MYH14: variants seen among roughly 807,000 people sequenced by gnomAD.
MYH14 encodes myosin heavy chain 14.
Under a neutral mutation model 255.5 loss-of-function variants are expected in MYH14, and 123 were observed. That is an observed-to-expected ratio of 0.48 (90% CI 0.42 to 0.56). The LOEUF (loss-of-function observed/expected upper bound fraction) is 0.56, where lower values mean the gene tolerates loss of function less well. MYH14 is among the 20% of genes least tolerant of loss of function. MYH14 has a pLI of 0.00. For missense variants in MYH14, 2,423 were observed against 2,802.3 expected (o/e 0.86, Z 3.06); for synonymous variants, 1,095 against 1,161.2 (o/e 0.94, Z 1.16).
chr19:50,286,722 A>C, intron 34 of MYH14, 28 bp downstream of exon 34: 4 of 1,546,078 alleles, frequency 2.6e-6, no homozygotes, highest in Non-Finnish European at 3.5e-6. Context: ...TCCCCGGGAC[A>C]CACTGGGTGA....
chr19:50,228,933 A>C (rs2033242683), intron 8 of MYH14, among the ~76,000 whole-genome samples: 1 of 151,452 alleles, frequency 6.6e-6, no homozygotes, highest in African/African-American at 2.4e-5. Context: ...TGTGTGGCTG[A>C]CCCCTCGGCA....
rs750462020 is a variant in MYH14, at chr19:50,276,133, G to A, written c.3610G>A (p.Glu1204Lys). 6.9e-6 allele frequency: 11 copies of A among 1,587,108 alleles called. No individual in the cohort carries two copies. The highest frequency in any genetic ancestry group is 2.7e-5 in the African/African-American group (2 of 74,418). The change falls in exon 28 of 43, where the codon GAG becomes AAG. Residue 1204 changes from glutamate to lysine, a missense_variant. Physicochemically the swap from Glu to Lys is moderately conservative, Grantham distance 56. This residue lies in a region of MYH14 where 1,513 missense variants were observed against 1,674.8 expected (regional missense o/e 0.90). Coordinates refer to ENST00000642316, the MANE Select transcript of MYH14 (RefSeq NM_001145809.2). This position sits in a 1 kb window ranked among gnomAD's most constrained non-coding sequence, Gnocchi z 4.3. ...KAEKQRRDLG[E>K]ELEALRGELE... Reference sequence around the variant, plus strand: ...GGAGAAGCAGCGCCGGGACCTGGGCGAGGAGCTGGAGGCGCTGCGGGGCGA... The same window carrying A: ...GGAGAAGCAGCGCCGGGACCTGGGCAAGGAGCTGGAGGCGCTGCGGGGCGA...
rs377213291 is a variant in MYH14, at chr19:50,266,351, G to A, written c.2695-526G>A. Reference sequence around the variant, plus strand: ...TGAGGTGGGTGGATTACTTGAGGCCGGGAGTTGGAGACCAGCCTGGCCAAC... The same window carrying A: ...TGAGGTGGGTGGATTACTTGAGGCCAGGAGTTGGAGACCAGCCTGGCCAAC... On this transcript the variant is annotated intron_variant, in intron 22 of 42. Transcript: ENST00000642316. The surrounding 1 kb of genome is among the most constrained non-coding windows in gnomAD (Gnocchi z 4.1). Among the ~76,000 whole-genome samples the A allele has an allele frequency of 7.2e-5, 11 of 152,234 alleles. No individual in the cohort carries two copies. The highest frequency in any genetic ancestry group is 4.1e-4 in the South Asian group (2 of 4,822).
chr19:50,276,294 C>T lies in MYH14; in HGVS notation c.3680+91C>T. 1 of 1,041,118 alleles carries T rather than the reference C, an allele frequency of 9.6e-7. No individual in the cohort carries two copies. The highest frequency in any genetic ancestry group is 1.4e-6 in the Non-Finnish European group (1 of 737,518). 64.5% of individuals were successfully genotyped at this position (1,041,118 alleles called of 1,614,324 possible). ...TACAAAGTCTCTGTCTATACAGAGG[C>T]TTACTTATTGTACAGTTGTTCATGA... On this transcript the variant is annotated intron_variant, in intron 28 of 42. Transcript: ENST00000642316. This position sits in a 1 kb window ranked among gnomAD's most constrained non-coding sequence, Gnocchi z 4.3.
chr19:50,235,428 A>T (rs1429418456), intron 10 of MYH14, among the ~76,000 whole-genome samples: 1 of 148,108 alleles, frequency 6.8e-6, no homozygotes, highest in Admixed American at 6.8e-5. Context: ...TCCACTAGAG[A>T]CCCCCCTGGA....
In MYH14 at chr19:50,276,919, G is replaced by A. The variant is rs1226706705; in HGVS notation, c.3825+18G>A. The A allele has an allele frequency of 4.4e-6, 4 of 899,312 alleles. No individual in the cohort carries two copies. The highest frequency in any genetic ancestry group is 2.0e-5 in the Admixed American group (1 of 48,932). 55.7% of individuals were successfully genotyped at this position (899,312 alleles called of 1,614,324 possible). A position where few individuals can be genotyped will look rare whatever the true frequency, so the allele number is the denominator to read the frequency against. ...CCCGGAGGGTGGGTTGGGGCAGGGGGACAGGGCAGGGGGGCCACGGGGAGG... is the reference window on the plus strand; with the variant it reads ...CCCGGAGGGTGGGTTGGGGCAGGGGAACAGGGCAGGGGGGCCACGGGGAGG... On this transcript the variant is annotated intron_variant, in intron 29 of 42. Coordinates refer to ENST00000642316, the MANE Select transcript of MYH14 (RefSeq NM_001145809.2). The surrounding 1 kb of genome is among the most constrained non-coding windows in gnomAD (Gnocchi z 4.3).
Position 50,279,926 on chromosome 19 carries a change from C to T in MYH14, c.4033-111C>T, listed in dbSNP as rs186409869. ...TGTGGATCTGCCAGACTGTTTTCCACGGCAGCTGTAACATTTCACATTCCT... is the reference window on the plus strand; with the variant it reads ...TGTGGATCTGCCAGACTGTTTTCCATGGCAGCTGTAACATTTCACATTCCT... On this transcript the variant is annotated intron_variant, in intron 30 of 42. Transcript: ENST00000642316. 2,258 of 827,540 alleles carry T rather than the reference C, an allele frequency of 2.7e-3. 14 individuals carry two copies. The highest frequency in any genetic ancestry group is 7.0e-3 in the African/African-American group (415 of 59,432). The allele number at this position is 827,540 out of a possible 1,614,324, so 51.3% of individuals were successfully genotyped here. A position where few individuals can be genotyped will look rare whatever the true frequency, so the allele number is the denominator to read the frequency against.
chr19:50,283,092 C>T (rs190393890), intron 33 of MYH14, among the ~76,000 whole-genome samples: 2 of 151,546 alleles, frequency 1.3e-5, no homozygotes, highest in East Asian at 3.9e-4. Flanking sequence ...TCACATAAAT[C>T]TCTTTTGGGA....
intron 29 of MYH14, among the ~76,000 whole-genome samples, 178 bp from the exon 30 acceptor site, chr19:50,277,905 G>A (rs1414519530): frequency 1.3e-5 from 2 of 149,830 alleles, no homozygotes; most frequent in African/African-American, 5.0e-5. Flanking sequence ...CAACAAGACT[G>A]AAGCACTGTC....
At chr19:50,268,578 G>A (rs917089030) in intron 24 of MYH14, among the ~76,000 whole-genome samples, 3 of 152,270 alleles carry the variant, frequency 2.0e-5, no homozygotes, top group Non-Finnish European at 4.4e-5. Flanking sequence ...AGGCATCCAA[G>A]TGATATGTTC....
intron 2 of MYH14, among the ~76,000 whole-genome samples, chr19:50,213,521 C>G (rs2032310995): frequency 6.6e-6 from 1 of 152,132 alleles, no homozygotes; most frequent in Non-Finnish European, 1.5e-5. Flanking sequence ...GCCAGGGAGC[C>G]AGACTTTTGG....
chr19:50,301,894 AG>A, intron 40 of MYH14, 25 bp downstream of exon 40: 2 of 1,564,638 alleles, frequency 1.3e-6, no homozygotes, highest in Non-Finnish European at 1.7e-6. Flanking sequence ...AGGCCACAGG[AG>A]AAAGGTGACC....
chr19:50,232,128 C>T, intron 10 of MYH14, 58 bp downstream of exon 10: 10 of 1,595,216 alleles, frequency 6.3e-6, no homozygotes, highest in Non-Finnish European at 6.8e-6. Flanking sequence ...AGCTGGGGAC[C>T]TGGCCATTCA....
At position 50,293,727 on chromosome 19, in the gene MYH14, T is replaced by A. The variant is rs200553325; in HGVS notation, c.5469+40T>A. The A allele has an allele frequency of 3.9e-6, 6 of 1,522,758 alleles. No homozygotes were observed. In the South Asian group the frequency reaches 7.9e-5, roughly 20 times the overall value. 94.3% of individuals were successfully genotyped at this position (1,522,758 alleles called of 1,614,324 possible). A position where few individuals can be genotyped will look rare whatever the true frequency, so the allele number is the denominator to read the frequency against. ...CCGCCCCCACCAGCCTCAGTCCCCA[T>A]TGACCTGGGACCGTAACCTTCAGTC... On this transcript the variant is annotated intron_variant, in intron 39 of 42. Transcript: ENST00000642316. The surrounding 1 kb of genome is among the most constrained non-coding windows in gnomAD (Gnocchi z 4.1).
At chr19:50,217,810 C>G (rs1236337777) in intron 3 of MYH14, 39 bp downstream of exon 3, 1 of 1,602,502 alleles carries the variant, frequency 6.2e-7, no homozygotes, top group Non-Finnish European at 8.5e-7. Flanking sequence ...CGAGGCGGCT[C>G]TTCAACGGGG....
chr19:50,235,987 G>A (rs1296148273), intron 10 of MYH14, among the ~76,000 whole-genome samples: 2 of 151,542 alleles, frequency 1.3e-5, no homozygotes, highest in Non-Finnish European at 1.5e-5. Context: ...CCAATCCCTT[G>A]CAGATAGAGC....
At chr19:50,297,825 G>A (rs1247071363) in intron 39 of MYH14, among the ~76,000 whole-genome samples, 2 of 152,010 alleles carry the variant, frequency 1.3e-5, no homozygotes, top group Non-Finnish European at 2.9e-5. Context: ...AAGGACACCA[G>A]CCGTATCAGA....
rs377399732 is a variant in MYH14, at chr19:50,290,951, G to A, written c.5030G>A (p.Arg1677His). The change falls in exon 36 of 43, where the codon CGC becomes CAC. Residue 1677 changes from arginine (R) to histidine (H), a missense_variant. By Grantham distance (29) the Arg-to-His change is conservative. Coordinates refer to ENST00000642316, the MANE Select transcript of MYH14 (RefSeq NM_001145809.2). ...RKQRTLAVAA[R>H]KKLEGELEEL... ...CAGCGCACTCTGGCCGTGGCTGCCC[G>A]CAAGAAGCTGGAGGGAGAGCTGGAG... is the stretch of plus-strand genomic sequence containing the variant. 3.8e-5 allele frequency: 60 copies of A among 1,598,814 alleles called. No homozygotes were observed. The highest frequency in any genetic ancestry group is 1.5e-4 in the South Asian group (13 of 88,134).
In MYH14 at chr19:50,276,907, T is replaced by C. The variant is rs1333243309; in HGVS notation, c.3825+6T>C. The C allele has an allele frequency of 1.4e-5, 22 of 1,597,622 alleles. No individual in the cohort carries two copies. The highest frequency in any genetic ancestry group is 1.8e-5 in the Non-Finnish European group (21 of 1,172,510). On this transcript the variant is annotated splice_donor_region_variant and intron_variant, in intron 29 of 42. Coordinates refer to ENST00000642316, the MANE Select transcript of MYH14 (RefSeq NM_001145809.2). The surrounding 1 kb of genome is among the most constrained non-coding windows in gnomAD (Gnocchi z 4.3). Reference sequence around the variant, plus strand: ...AGCTGGAGCAGGCCCGGAGGGTGGGTTGGGGCAGGGGGACAGGGCAGGGGG... The same window carrying C: ...AGCTGGAGCAGGCCCGGAGGGTGGGCTGGGGCAGGGGGACAGGGCAGGGGG...
Sources: allele counts gnomAD v4.1 joint callset (sites outside exome capture counted in the v4.1 genomes callset), GRCh38; gene constraint gnomAD v4.1.1; regional missense constraint gnomAD v4.1.1; non-coding constraint Gnocchi (gnomAD v3.1); transcripts MANE v1.5; gene names NCBI Gene and HGNC (gene_info 2026-07-23, HGNC 2026-07-21).